Variants in CNTNAP2 observed in about 807,000 individuals in gnomAD.
The protein encoded by CNTNAP2 is contactin associated protein 2.
In CNTNAP2, 98 loss-of-function variants were observed where a neutral mutation model predicts 155.2. The ratio of observed to expected loss-of-function variants is 0.63; its 90% CI spans 0.54 to 0.75. The LOEUF is 0.75. Ranked by LOEUF, CNTNAP2 falls within the 30% of genes least tolerant of loss-of-function variation. CNTNAP2 has a pLI of 0.00. For synonymous variants in CNTNAP2, 651 were observed against 631.2 expected, an observed-to-expected ratio of 1.03 and a Z score of -0.47; for missense variants, 1,727 against 1,688.1, an observed-to-expected ratio of 1.02 and a Z score of -0.40.
chr7:146,669,303 T>C (rs1800255281), intron 1 of CNTNAP2, among the ~76,000 whole-genome samples: 1 of 152,150 alleles, frequency 6.6e-6, no homozygotes, highest in African/African-American at 2.4e-5. Flanking sequence ...TACTTTGACA[T>C]GGAGATTTTG....
rs1803540305 is a variant in CNTNAP2 at position 147,226,216 on chromosome 7, TG to T, written c.1349-73924del. 2.0e-5 allele frequency among the ~76,000 whole-genome samples: 3 copies of T among 152,252 alleles called. No homozygotes were observed. In the South Asian group the frequency reaches 6.2e-4, roughly 32 times the overall value. On this transcript the variant is annotated intron_variant, in intron 8 of 23. Transcript: ENST00000361727. ...TCTTGTTAGAGTTAGAAATAATAGATGTAGTGCAATTGTCACCATAGGCCCT... is the reference window on the plus strand; with the variant it reads ...TCTTGTTAGAGTTAGAAATAATAGATTAGTGCAATTGTCACCATAGGCCCT...
chr7:148,390,591 T>C (rs1799323919), intron 22 of CNTNAP2, among the ~76,000 whole-genome samples: 1 of 152,170 alleles, frequency 6.6e-6, no homozygotes, highest in Non-Finnish European at 1.5e-5. Flanking sequence ...TACCAGGATG[T>C]TTGTTTTGCA....
chr7:147,935,385 G>A (rs774563959), intron 14 of CNTNAP2, among the ~76,000 whole-genome samples: 7 of 152,050 alleles, frequency 4.6e-5, no homozygotes, highest in African/African-American at 9.7e-5. Context: ...TCAGCCTCCC[G>A]AAGTGCTGGG....
chr7:146,205,623 G>A (rs1348203828), intron 1 of CNTNAP2, among the ~76,000 whole-genome samples: 5 of 151,772 alleles, frequency 3.3e-5, no homozygotes, highest in Admixed American at 3.3e-4. Context: ...GATTTCTAGG[G>A]AAAAATAAAT....
chr7:146,760,409 C>CTTTTTTTTTTTCTTTTTTTTTTTTTTTT (rs1802074449), intron 1 of CNTNAP2, among the ~76,000 whole-genome samples: 1 of 56,276 alleles, frequency 1.8e-5, no homozygotes, highest in Non-Finnish European at 3.0e-5. Context: ...TCCAATTTAC[C>CTTTTTTTTTTTCTTTTTTTTTTTTTTTT]TTTTTTTTTT....
chr7:146,210,831 T>G, intron 1 of CNTNAP2, among the ~76,000 whole-genome samples: 1 of 142,122 alleles, frequency 7.0e-6, no homozygotes, highest in African/African-American at 2.8e-5. Flanking sequence ...CAGACAAGAC[T>G]ACTTCATTTT....
At chr7:147,356,952 A>G (rs1265093141) in intron 9 of CNTNAP2, among the ~76,000 whole-genome samples, 1 of 152,092 alleles carries the variant, frequency 6.6e-6, no homozygotes, top group African/African-American at 2.4e-5. Flanking sequence ...ACATCTGGAA[A>G]GTCATCTTCT....
intron 10 of CNTNAP2, among the ~76,000 whole-genome samples, chr7:147,414,745 T>G (rs926162826): frequency 4.6e-5 from 7 of 151,676 alleles, no homozygotes; most frequent in African/African-American, 9.7e-5. Flanking sequence ...ATCGAGACTA[T>G]CCTGGCTAAC....
intron 1 of CNTNAP2, among the ~76,000 whole-genome samples, chr7:146,318,196 CTA>C (rs2129091886): frequency 6.6e-6 from 1 of 150,818 alleles, no homozygotes; most frequent in East Asian, 1.9e-4. Context: ...TGGATGTAAA[CTA>C]GTGATTATAA....
intron 13 of CNTNAP2, among the ~76,000 whole-genome samples, chr7:147,779,236 G>A (rs76982636): frequency 3.9e-5 from 6 of 152,296 alleles, no homozygotes; most frequent in South Asian, 4.1e-4. Flanking sequence ...GCTGCTAAGC[G>A]CATCCTCCTG....
intron 1 of CNTNAP2, among the ~76,000 whole-genome samples, chr7:146,154,717 T>C (rs1201889725): frequency 6.6e-6 from 1 of 152,158 alleles, no homozygotes; most frequent in Non-Finnish European, 1.5e-5. Flanking sequence ...AGCTCAGAGA[T>C]GCCACTGGAC....
chr7:147,388,953 C>T (rs700303), intron 9 of CNTNAP2, among the ~76,000 whole-genome samples: 54,455 of 151,882 alleles, frequency 0.36, 10,918 homozygotes, highest in East Asian at 0.67. Context: ...ACTTATTTGC[C>T]CAATCAACCT....
At chr7:146,154,424 C>A (rs1036146600) in intron 1 of CNTNAP2, among the ~76,000 whole-genome samples, 2 of 152,184 alleles carry the variant, frequency 1.3e-5, no homozygotes, top group Non-Finnish European at 2.9e-5. Flanking sequence ...ACAAATACTT[C>A]AGTAAAACTT....
intron 3 of CNTNAP2, among the ~76,000 whole-genome samples, chr7:146,930,988 G>C (rs1796741197): frequency 1.3e-5 from 2 of 152,082 alleles, no homozygotes; most frequent in Non-Finnish European, 2.9e-5. Flanking sequence ...ATAATAATGG[G>C]AGACTTTAAC....
chr7:147,732,386 A>C (rs1170564757), intron 13 of CNTNAP2, among the ~76,000 whole-genome samples: 2 of 152,156 alleles, frequency 1.3e-5, no homozygotes, highest in African/African-American at 4.8e-5. Flanking sequence ...TTATGGCTGC[A>C]TAGTATTCCA....
chr7:147,542,228 A>G (rs1278985349), intron 11 of CNTNAP2, among the ~76,000 whole-genome samples: 2 of 152,036 alleles, frequency 1.3e-5, no homozygotes, highest in Non-Finnish European at 2.9e-5. Flanking sequence ...TCACCATTTA[A>G]AGTGATATCC....
intron 17 of CNTNAP2, 22 bp from the exon 18 acceptor site, chr7:148,172,220 C>G (rs1044633066): frequency 2.4e-5 from 38 of 1,610,772 alleles, no homozygotes; most frequent in Non-Finnish European, 3.1e-5. Flanking sequence ...CCTCTGAACT[C>G]TGTGCCTTCT....
intron 1 of CNTNAP2, among the ~76,000 whole-genome samples, chr7:146,407,254 T>C (rs2129109980): frequency 6.6e-6 from 1 of 152,310 alleles, no homozygotes; most frequent in South Asian, 2.1e-4. Flanking sequence ...CTAGTTGTTT[T>C]GTGTCTTGTG....
chr7:147,786,701 C>T lies in CNTNAP2; in HGVS notation c.2099-116864C>T, dbSNP rs1015968094. On this transcript the variant is annotated intron_variant, in intron 13 of 23. Coordinates refer to ENST00000361727, the MANE Select transcript of CNTNAP2 (RefSeq NM_014141.6). ...GCACTGTGGAGGCCTGGCACATTGG[C>T]ACATGCCTGTAATCACAACACTTTG... Among the ~76,000 whole-genome samples, 8 of 152,236 alleles carry T rather than the reference C, an allele frequency of 5.3e-5. No homozygotes were observed. In the East Asian group the frequency reaches 1.5e-3, roughly 29 times the overall value.
Sources: allele counts gnomAD v4.1 joint callset (sites outside exome capture counted in the v4.1 genomes callset), GRCh38; gene constraint gnomAD v4.1.1; transcripts MANE v1.5; gene names NCBI Gene and HGNC (gene_info 2026-07-23, HGNC 2026-07-21).